The following STX8 variants were observed in gnomAD, a reference collection of about 807,000 sequenced individuals.
The protein encoded by STX8 is syntaxin 8, also known as syntaxin-8.
STX8 carries 23 observed loss-of-function variants against 37.5 expected under a neutral mutation model. The ratio of observed to expected loss-of-function variants is 0.61; its 90% CI spans 0.44 to 0.87. STX8 has a LOEUF of 0.87. Among genes scored for constraint, STX8 ranks in the 40% least tolerant of loss-of-function variants. The pLI, the probability that STX8 is intolerant of heterozygous loss-of-function variation, is 0.00. For synonymous variants in STX8, 115 were observed against 99.1 expected, an observed-to-expected ratio of 1.16 and a Z score of -0.95; for missense variants, 313 against 284.7, an observed-to-expected ratio of 1.10 and a Z score of -0.71.
intron 3 of STX8, among the ~76,000 whole-genome samples, chr17:9,549,246 A>T (rs1283986613): frequency 6.6e-6 from 1 of 152,224 alleles, no homozygotes; most frequent in Non-Finnish European, 1.5e-5. Context: ...GGTACATTTT[A>T]AAATCAGCAG....
intron 7 of STX8, among the ~76,000 whole-genome samples, chr17:9,340,719 G>A (rs371740048): frequency 7.2e-6 from 1 of 138,814 alleles, no homozygotes; most frequent in African/African-American, 2.8e-5. Flanking sequence ...GTGCAATGGC[G>A]TAATCTGGGC....
chr17:9,276,086 C>G (rs1308048933), intron 7 of STX8, among the ~76,000 whole-genome samples: 1 of 118,888 alleles, frequency 8.4e-6, no homozygotes, highest in Non-Finnish European at 2.0e-5. Flanking sequence ...AAGGTGGCTG[C>G]GGTTTCTATC....
chr17:9,452,523 C>T (rs926595526), intron 6 of STX8: 1 of 152,080 alleles, frequency 6.6e-6, no homozygotes, highest in South Asian at 2.1e-4. Flanking sequence ...GTAGGAAGTG[C>T]CCAGCTTTGG....
chr17:9,391,263 G>T (rs112346113), intron 6 of STX8, among the ~76,000 whole-genome samples: 1 of 147,670 alleles, frequency 6.8e-6, no homozygotes, highest in Admixed American at 6.7e-5. Flanking sequence ...AGACCAGCCC[G>T]GCCAACATGG....
intron 7 of STX8, among the ~76,000 whole-genome samples, chr17:9,360,227 C>CTTTTTTTTTTTTTTTTTTT (rs58213453): frequency 6.9e-5 from 5 of 72,610 alleles, no homozygotes; most frequent in African/African-American, 2.1e-4. Flanking sequence ...AATTAACCGT[C>CTTTTTTTTTTTTTTTTTTT]TTTTTTTTTT....
intron 6 of STX8, among the ~76,000 whole-genome samples, chr17:9,463,668 G>T (rs1905487148): frequency 6.6e-6 from 1 of 152,170 alleles, no homozygotes; most frequent in African/African-American, 2.4e-5. Flanking sequence ...AGCACTTTGG[G>T]AGGCCGAGCT....
chr17:9,566,314 G>A (rs1281348378), intron 2 of STX8, among the ~76,000 whole-genome samples: 3 of 152,214 alleles, frequency 2.0e-5, no homozygotes, highest in South Asian at 2.1e-4. Context: ...ACAGATGCTC[G>A]GGAGGTTGCA....
intron 7 of STX8, among the ~76,000 whole-genome samples, chr17:9,302,242 CTG>C (rs1017706774): frequency 1.3e-5 from 2 of 152,114 alleles, no homozygotes; most frequent in African/African-American, 2.4e-5. Context: ...AACTCAGCAT[CTG>C]TGTTTATATA....
intron 7 of STX8, among the ~76,000 whole-genome samples, chr17:9,335,832 GACAC>G (rs10701494): frequency 1.4e-5 from 2 of 147,732 alleles, no homozygotes; most frequent in East Asian, 3.9e-4. Flanking sequence ...CACACACGTA[GACAC>G]ACACACACAC....
intron 7 of STX8, among the ~76,000 whole-genome samples, chr17:9,257,607 C>T (rs549260889): frequency 6.6e-6 from 1 of 152,220 alleles, no homozygotes; most frequent in South Asian, 2.1e-4. Context: ...GGGTGAAGGG[C>T]GCTTTATCCA....
At chr17:9,543,225 C>G (rs936702216) in intron 4 of STX8, among the ~76,000 whole-genome samples, 2 of 152,134 alleles carry the variant, frequency 1.3e-5, no homozygotes, top group Non-Finnish European at 2.9e-5. Flanking sequence ...CCCGTCCTAC[C>G]TATGTCCTTA....
At chr17:9,485,267 T>C (rs1906537344) in intron 6 of STX8, among the ~76,000 whole-genome samples, 2 of 152,180 alleles carry the variant, frequency 1.3e-5, no homozygotes, top group Admixed American at 6.5e-5. Context: ...CCCAGAGGTA[T>C]GAACAGACTC....
rs1567796162 is a variant in STX8 at position 9,356,986 on chromosome 17, T to TTA, written c.643+21565_643+21566insTA. Reference sequence around the variant, plus strand: ...TTTTTTTTTTTTTTTTTTTTTTTTTTAGGCAAAGTCTTGCTCTGTCACCCC... The same window carrying TTA: ...TTTTTTTTTTTTTTTTTTTTTTTTTTTAAGGCAAAGTCTTGCTCTGTCACCCC... On this transcript the variant is annotated intron_variant, in intron 7 of 7. Transcript: ENST00000306357. Among the ~76,000 whole-genome samples, 7 of 109,040 alleles carry TTA rather than the reference T, an allele frequency of 6.4e-5. 1 individual carries two copies. The highest frequency in any genetic ancestry group is 5.1e-4 in the East Asian group (2 of 3,910). 71.5% of individuals were successfully genotyped at this position (109,040 alleles called of 152,430 possible). A position where few individuals can be genotyped will look rare whatever the true frequency, so the allele number is the denominator to read the frequency against.
At chr17:9,528,538 G>T (rs923340058) in intron 4 of STX8, among the ~76,000 whole-genome samples, 4 of 152,160 alleles carry the variant, frequency 2.6e-5, no homozygotes, top group Non-Finnish European at 5.9e-5. Flanking sequence ...TCGATCTCCT[G>T]ACCTCGTGAT....
At chr17:9,471,028 C>T (rs1487509247) in intron 6 of STX8, among the ~76,000 whole-genome samples, 1 of 54,036 alleles carries the variant, frequency 1.9e-5, no homozygotes, top group Non-Finnish European at 4.2e-5. Flanking sequence ...CCACTGCATC[C>T]TGCTTTTTTT....
intron 7 of STX8, among the ~76,000 whole-genome samples, chr17:9,347,145 T>TA (rs879650056): frequency 0.011 from 1,386 of 127,194 alleles, 29 homozygotes; most frequent in East Asian, 0.086. Context: ...AATAAAAAAA[T>TA]AAAAAAAAAA....
intron 7 of STX8, among the ~76,000 whole-genome samples, chr17:9,300,156 A>C (rs1217310719): frequency 2.0e-5 from 3 of 151,848 alleles, no homozygotes; most frequent in Non-Finnish European, 4.4e-5. Context: ...ACATGGTGAA[A>C]CCTCGTCTCT....
At chr17:9,291,625 T>C (rs928137300) in intron 7 of STX8, among the ~76,000 whole-genome samples, 5 of 152,190 alleles carry the variant, frequency 3.3e-5, no homozygotes, top group African/African-American at 1.2e-4. Context: ...CTTCTACATG[T>C]AAACATTTTC....
At chr17:9,568,272 TACACACATGTGCAC>T in intron 2 of STX8, 85 bp downstream of exon 2, 1 of 816,880 alleles carries the variant, frequency 1.2e-6, no homozygotes, top group Non-Finnish European at 1.9e-6. Flanking sequence ...TAGATCATCA[TACACACATGTGCAC>T]AGACAGCCTC....
Sources: allele counts gnomAD v4.1 joint callset (sites outside exome capture counted in the v4.1 genomes callset), GRCh38; gene constraint gnomAD v4.1.1; transcripts MANE v1.5; gene names NCBI Gene and HGNC (gene_info 2026-07-23, HGNC 2026-07-21).